NR3C2: variants seen among roughly 807,000 people sequenced by gnomAD.
NR3C2 encodes the protein mineralocorticoid receptor.
NR3C2 carries 15 observed loss-of-function variants against 86.4 expected under a neutral mutation model. The observed-to-expected ratio is 0.17, with a 90% confidence interval of 0.12 to 0.27. NR3C2 has a LOEUF of 0.27. Among genes scored for constraint, NR3C2 ranks in the 10% least tolerant of loss-of-function variants. The pLI, the probability that NR3C2 is intolerant of heterozygous loss-of-function variation, is 1.00. For synonymous variants in NR3C2, 458 were observed against 450.5 expected, an observed-to-expected ratio of 1.02 and a Z score of -0.21; for missense variants, 960 against 1,195.6, an observed-to-expected ratio of 0.80 and a Z score of 2.91.
At chr4:148,282,191 G>C (rs1741281054) in intron 2 of NR3C2, among the ~76,000 whole-genome samples, 1 of 152,066 alleles carries the variant, frequency 6.6e-6, no homozygotes, top group African/African-American at 2.4e-5. Flanking sequence ...CACCATGCCA[G>C]GCTAATTTTT....
chr4:148,279,162 CAATA>C (rs749584608), intron 2 of NR3C2, among the ~76,000 whole-genome samples: 1 of 151,978 alleles, frequency 6.6e-6, no homozygotes, highest in African/African-American at 2.4e-5. Flanking sequence ...GACTCCGTCT[CAATA>C]AATAAATAAA....
At chr4:148,192,976 C>A (rs1318732910) in intron 4 of NR3C2, among the ~76,000 whole-genome samples, 1 of 152,218 alleles carries the variant, frequency 6.6e-6, no homozygotes, top group African/African-American at 2.4e-5. Flanking sequence ...TTTGGGCCAT[C>A]CCCCGAGTTC....
In NR3C2 at chr4:148,257,491, G is replaced by C. The variant is rs571653945; in HGVS notation, c.1897+2487C>G. 9.9e-5 allele frequency among the ~76,000 whole-genome samples: 15 copies of C among 152,242 alleles called. No individual in the cohort carries two copies. In the South Asian group the frequency reaches 2.9e-3, roughly 29 times the overall value. On this transcript the variant is annotated intron_variant, in intron 3 of 8. Coordinates refer to ENST00000358102, the MANE Select transcript of NR3C2 (RefSeq NM_000901.5). ...GTGTAGGTTTGGAGTCCTATGACTT[G>C]AGTAAGGGTCTAACTTTGGCCTTAG...
intron 2 of NR3C2, among the ~76,000 whole-genome samples, chr4:148,330,092 G>A (rs1744157529): frequency 6.6e-6 from 1 of 152,078 alleles, no homozygotes; most frequent in South Asian, 2.1e-4. Flanking sequence ...GGTTTCTAAG[G>A]TTTAATCTCT....
chr4:148,262,752 C>T (rs983322737), intron 2 of NR3C2, among the ~76,000 whole-genome samples: 22 of 152,118 alleles, frequency 1.4e-4, no homozygotes, highest in African/African-American at 4.3e-4. Flanking sequence ...AACATAGACA[C>T]CTGCATGAGG....
At chr4:148,186,265 T>C (rs1030266656) in intron 4 of NR3C2, among the ~76,000 whole-genome samples, 1 of 152,230 alleles carries the variant, frequency 6.6e-6, no homozygotes, top group African/African-American at 2.4e-5. Context: ...ATTTCTTTTA[T>C]CTGCAATTGT....
At chr4:148,117,459 T>C (rs964055949) in intron 7 of NR3C2, among the ~76,000 whole-genome samples, 1 of 152,174 alleles carries the variant, frequency 6.6e-6, no homozygotes, top group Non-Finnish European at 1.5e-5. Context: ...GGAGCAGGAA[T>C]GACACTGGAG....
intron 2 of NR3C2, among the ~76,000 whole-genome samples, chr4:148,296,163 G>A (rs759695509): frequency 4.7e-5 from 7 of 150,382 alleles, no homozygotes; most frequent in Admixed American, 1.3e-4. Flanking sequence ...TTAAATCAAT[G>A]ATCAAAATGT....
At chr4:148,234,240 G>A (rs955617941) in intron 3 of NR3C2, among the ~76,000 whole-genome samples, 13 of 152,176 alleles carry the variant, frequency 8.5e-5, no homozygotes, top group Non-Finnish European at 1.5e-4. Context: ...CTAGGTGTTA[G>A]GAAGGTGACA....
chr4:148,345,867 T>C (rs72729936), intron 2 of NR3C2, among the ~76,000 whole-genome samples: 17,671 of 152,024 alleles, frequency 0.12, 1,097 homozygotes, highest in Middle Eastern at 0.16. Context: ...CCCTCCCTTC[T>C]CAGAGGTTAT....
At chr4:148,168,191 C>T (rs1193626558) in intron 4 of NR3C2, among the ~76,000 whole-genome samples, 2 of 152,196 alleles carry the variant, frequency 1.3e-5, no homozygotes, top group Admixed American at 6.6e-5. Context: ...GCAGCATGGG[C>T]TCCTTTTTGT....
chr4:148,095,428 C>G (rs1302481197), intron 8 of NR3C2, among the ~76,000 whole-genome samples: 1 of 152,194 alleles, frequency 6.6e-6, no homozygotes, highest in African/African-American at 2.4e-5. Context: ...TATGCTACCA[C>G]TCACTATGGG....
intron 2 of NR3C2, among the ~76,000 whole-genome samples, chr4:148,398,194 CT>C (rs1377325186): frequency 6.6e-6 from 1 of 152,238 alleles, no homozygotes; most frequent in Non-Finnish European, 1.5e-5. Flanking sequence ...AAAAACCCTA[CT>C]TCCAAATAAG....
chr4:148,379,936 A>T (rs1351799651), intron 2 of NR3C2, among the ~76,000 whole-genome samples: 1 of 152,224 alleles, frequency 6.6e-6, no homozygotes, highest in Non-Finnish European at 1.5e-5. Context: ...GATTATATTA[A>T]AAAGTTCATA....
intron 2 of NR3C2, among the ~76,000 whole-genome samples, chr4:148,328,133 G>A (rs1475052321): frequency 6.6e-6 from 1 of 152,196 alleles, no homozygotes; most frequent in Non-Finnish European, 1.5e-5. Context: ...ACCAATGACT[G>A]CAGTGATGAG....
At chr4:148,104,342 G>GGTTTGGTTTTTTTTTTTTTTTTTTTTTTT (rs1731686588) in intron 8 of NR3C2, among the ~76,000 whole-genome samples, 1 of 63,794 alleles carries the variant, frequency 1.6e-5, no homozygotes. Flanking sequence ...TTTTGGTTTG[G>GGTTTGGTTTTTTTTTTTTTTTTTTTTTTT]TTTTTTTTTT....
At chr4:148,429,398 C>T (rs990838827) in intron 2 of NR3C2, among the ~76,000 whole-genome samples, 1 of 152,198 alleles carries the variant, frequency 6.6e-6, no homozygotes. Context: ...TCTCATACTC[C>T]CTCCCTAAGG....
At chr4:148,413,823 C>T (rs1280693728) in intron 2 of NR3C2, among the ~76,000 whole-genome samples, 1 of 152,192 alleles carries the variant, frequency 6.6e-6, no homozygotes, top group Non-Finnish European at 1.5e-5. Flanking sequence ...TGTGGCAAAT[C>T]AGTACCTTAC....
At chr4:148,395,772 C>T (rs1411063842) in intron 2 of NR3C2, among the ~76,000 whole-genome samples, 1 of 152,176 alleles carries the variant, frequency 6.6e-6, no homozygotes, top group Non-Finnish European at 1.5e-5. Flanking sequence ...TAACAGCAGT[C>T]TGGTGTTATT....
Sources: allele counts gnomAD v4.1 joint callset (sites outside exome capture counted in the v4.1 genomes callset), GRCh38; gene constraint gnomAD v4.1.1; transcripts MANE v1.5; gene names NCBI Gene and HGNC (gene_info 2026-07-23, HGNC 2026-07-21).